The following REV3L variants were observed in gnomAD, a reference collection of about 807,000 sequenced individuals.
The protein encoded by REV3L is DNA polymerase zeta catalytic subunit.
A neutral mutation model predicts 299.4 loss-of-function variants in REV3L; 69 were observed. That is an observed-to-expected ratio of 0.23 (90% confidence interval 0.19 to 0.28). The LOEUF (loss-of-function observed/expected upper bound fraction) is 0.28. Among genes scored for constraint, REV3L ranks in the 10% least tolerant of loss-of-function variants. The pLI, the probability that REV3L is intolerant of heterozygous loss-of-function variation, is 1.00. For missense variants in REV3L, 3,128 were observed against 3,693.8 expected (o/e 0.85, Z 3.97); for synonymous variants, 1,238 against 1,271.4 (o/e 0.97, Z 0.56).
rs1782227845 is a variant in REV3L at position 111,394,159 on chromosome 6, A to C, written c.566-1187T>G. Among the ~76,000 whole-genome samples, 4 of 152,348 alleles carry C rather than the reference A, an allele frequency of 2.6e-5. No individual in the cohort carries two copies. In the South Asian group the frequency reaches 8.3e-4, roughly 32 times the overall value. ...CCTTTCCTTTGGATAAATACCCAGC[A>C]GTGGGATTGCTGTATCATATGGTAG... On this transcript the variant is annotated intron_variant, in intron 4 of 31. Coordinates refer to ENST00000368802, the MANE Select transcript of REV3L (RefSeq NM_001372078.1).
Position 111,422,677 on chromosome 6 carries a change from TAC to T in REV3L, c.140-6207_140-6206del, listed in dbSNP as rs1491027832. 4.0e-4 allele frequency among the ~76,000 whole-genome samples: 15 copies of T among 37,312 alleles called. 2 individuals are homozygous for T. Among genetic ancestry groups the T allele is most frequent in the Non-Finnish European group, 8.5e-4 (10 of 11,828 alleles). 24.5% of individuals were successfully genotyped at this position (37,312 alleles called of 152,430 possible). ...ATATATATATACATATATATATATA[TAC>T]GTATATATATATATATATATATTTC... On this transcript the variant is annotated intron_variant, in intron 1 of 31. Transcript: ENST00000368802.
Position 111,389,863 on chromosome 6 carries a change from A to C in REV3L, c.757+223T>G, listed in dbSNP as rs534504523. 1.1e-3 allele frequency among the ~76,000 whole-genome samples: 169 copies of C among 150,578 alleles called. 1 individual carries two copies. The highest frequency in any genetic ancestry group is 4.1e-3 in the African/African-American group (166 of 40,888). ...GTGATTCCCCTGCCTCAGCCTCCCA[A>C]GTAGCTGGGACTACAGACGTGTGCC... On this transcript the variant is annotated intron_variant, in intron 6 of 31. Coordinates refer to ENST00000368802, the MANE Select transcript of REV3L (RefSeq NM_001372078.1).
chr6:111,469,879 G>C (rs1189457572), intron 1 of REV3L, among the ~76,000 whole-genome samples: 1 of 152,112 alleles, frequency 6.6e-6, no homozygotes, highest in African/African-American at 2.4e-5. Flanking sequence ...TATGTTTTGG[G>C]GAGATTTATC....
At chr6:111,467,276 T>A (rs575500723) in intron 1 of REV3L, among the ~76,000 whole-genome samples, 1 of 152,380 alleles carries the variant, frequency 6.6e-6, no homozygotes, top group East Asian at 1.9e-4. Context: ...AGATGTGGCA[T>A]AGGAGGTCAC....
chr6:111,465,756 A>AACAAACAAAAAAAAAAAAC (rs1554250448), intron 1 of REV3L, among the ~76,000 whole-genome samples: 3 of 146,996 alleles, frequency 2.0e-5, no homozygotes, highest in Non-Finnish European at 4.5e-5. Context: ...AAAAAAAAAA[A>AACAAACAAAAAAAAAAAAC]AAAAAAAAAA....
chr6:111,305,355 C>G (rs1001300069), intron 31 of REV3L, among the ~76,000 whole-genome samples: 1 of 151,998 alleles, frequency 6.6e-6, no homozygotes, highest in African/African-American at 2.4e-5. Flanking sequence ...CCTTAGGCAG[C>G]TGAAGTGGGA....
At chr6:111,318,317 C>T (rs1773757424) in intron 26 of REV3L, among the ~76,000 whole-genome samples, 3 of 150,068 alleles carry the variant, frequency 2.0e-5, no homozygotes, top group Admixed American at 1.3e-4. Flanking sequence ...TCCATCTGCC[C>T]GCCTGTATTT....
rs1197727536 is a variant in REV3L at position 111,307,462 on chromosome 6, G to A, written c.9151C>T (p.His3051Tyr). The A allele has an allele frequency of 1.2e-6, 2 of 1,614,044 alleles. No homozygotes were observed. The highest frequency in any genetic ancestry group is 8.5e-7 in the Non-Finnish European group (1 of 1,180,020). The change falls in exon 31 of 32, where the codon CAT becomes TAT. Residue 3051 changes from histidine (H) to tyrosine (Y), a missense_variant. His to Tyr is a moderately conservative substitution (Grantham distance 83, BLOSUM62 2). Around this residue, in one of 9 missense-constraint regions of REV3L, gnomAD observed 294 missense variants for 377.0 expected, o/e 0.78. Coordinates refer to ENST00000368802, the MANE Select transcript of REV3L (RefSeq NM_001372078.1). ...CTCCGACATTTACTACAGATGCCAT[G>A]CTGAGTTAGGTCATCACACACAGGA... The part of the protein sequence containing the change: ...HCPVCDDLTQ[H>Y]GICSKCRSQP...
chr6:111,326,807 T>TAA (rs201555297), intron 25 of REV3L, among the ~76,000 whole-genome samples: 4 of 146,680 alleles, frequency 2.7e-5, no homozygotes, highest in Non-Finnish European at 3.0e-5. Context: ...ATCTGCCCTT[T>TAA]AAAAAAAAAA....
chr6:111,392,986 G>A lies in REV3L; in HGVS notation c.566-14C>T. ...GCAATGTATTACCTAGGAATAGAAA[G>A]GTAAAAGGAATAAATTCTACTTTCA... On this transcript the variant is annotated splice_polypyrimidine_tract_variant and intron_variant, in intron 4 of 31. Transcript: ENST00000368802. The A allele has an allele frequency of 1.3e-6, 2 of 1,524,360 alleles. No individual in the cohort carries two copies. Among genetic ancestry groups the A allele is most frequent in the Non-Finnish European group, 1.8e-6 (2 of 1,105,144 alleles). The allele number at this position is 1,524,360 out of a possible 1,614,324, so 94.4% of individuals were successfully genotyped here. A position where few individuals can be genotyped will look rare whatever the true frequency, so the allele number is the denominator to read the frequency against.
chr6:111,456,574 G>A (rs1262588278), intron 1 of REV3L, among the ~76,000 whole-genome samples: 3 of 152,256 alleles, frequency 2.0e-5, no homozygotes, highest in Admixed American at 2.0e-4. Context: ...CCTCTCTGTA[G>A]AGTATAATGT....
chr6:111,324,901 G>C (rs535819679), intron 25 of REV3L, among the ~76,000 whole-genome samples: 3 of 149,930 alleles, frequency 2.0e-5, no homozygotes, highest in Non-Finnish European at 4.4e-5. Flanking sequence ...TCACTCTGTC[G>C]CCCAGGCTGG....
In REV3L at chr6:111,430,572, T is replaced by G. The variant is rs1222786286; in HGVS notation, c.140-14100A>C. On this transcript the variant is annotated intron_variant, in intron 1 of 31. Coordinates refer to ENST00000368802, the MANE Select transcript of REV3L (RefSeq NM_001372078.1). ...GCAGAGCATAGACTTCATGGCTGAC[T>G]TGCAGAAAACTCAAAAGCAGGAAGA... 9.6e-6 allele frequency: 15 copies of G among 1,566,604 alleles called. No individual in the cohort carries two copies. In the East Asian group the frequency reaches 3.4e-4, roughly 35 times the overall value.
At chr6:111,371,187 G>C (rs1446225440) in intron 13 of REV3L, among the ~76,000 whole-genome samples, 1 of 152,092 alleles carries the variant, frequency 6.6e-6, no homozygotes, top group Admixed American at 6.6e-5. Context: ...ATGGACACAA[G>C]GGCAGGAACA....
intron 13 of REV3L, among the ~76,000 whole-genome samples, chr6:111,371,558 CT>C (rs1032722759): frequency 1.3e-3 from 175 of 137,596 alleles, no homozygotes; most frequent in Admixed American, 1.5e-3. Context: ...GCCCAGCTAT[CT>C]TTTTTTTTTT....
intron 25 of REV3L, among the ~76,000 whole-genome samples, chr6:111,326,178 T>C (rs989757170): frequency 4.6e-5 from 7 of 152,118 alleles, no homozygotes; most frequent in Admixed American, 2.6e-4. Context: ...AAGGAAATAA[T>C]CAACAAAGTG....
chr6:111,369,857 T>TTG, intron 13 of REV3L, among the ~76,000 whole-genome samples: 1 of 152,174 alleles, frequency 6.6e-6, no homozygotes, highest in East Asian at 1.9e-4. Flanking sequence ...TTTTTTTTTT[T>TTG]GAGACAGTCT....
chr6:111,445,843 C>CAA (rs889218119), intron 1 of REV3L, among the ~76,000 whole-genome samples: 1 of 151,552 alleles, frequency 6.6e-6, no homozygotes, highest in Admixed American at 6.6e-5. Context: ...GTAAAGCAGA[C>CAA]AAAAAAACAG....
At chr6:111,307,646 T>A (rs1772467460) in intron 30 of REV3L, 76 bp from the exon 31 acceptor site, 6 of 1,353,510 alleles carry the variant, frequency 4.4e-6, no homozygotes, top group Non-Finnish European at 6.3e-6. Flanking sequence ...TAATTACAGG[T>A]TTACTCAGGC....
Sources: allele counts gnomAD v4.1 joint callset (sites outside exome capture counted in the v4.1 genomes callset), GRCh38; gene constraint gnomAD v4.1.1; regional missense constraint gnomAD v4.1.1; transcripts MANE v1.5; gene names NCBI Gene and HGNC (gene_info 2026-07-23, HGNC 2026-07-21).